The following XXYLT1 variants were observed in gnomAD, a reference collection of about 807,000 sequenced individuals.
XXYLT1 encodes the protein xyloside xylosyltransferase 1.
XXYLT1 carries 20 observed loss-of-function variants against 28.9 expected under a neutral mutation model. The ratio of observed to expected loss-of-function variants is 0.69; its 90% CI spans 0.49 to 1.00. The LOEUF is 1.00. XXYLT1 is among the 50% of genes least tolerant of loss of function. XXYLT1 has a pLI of 0.00. For missense variants in XXYLT1, 542 were observed against 560.1 expected (o/e 0.97, Z 0.33); for synonymous variants, 257 against 253.8 (o/e 1.01, Z -0.12).
intron 2 of XXYLT1, among the ~76,000 whole-genome samples, chr3:195,161,628 A>T (rs1454559641): frequency 6.8e-6 from 1 of 146,902 alleles, no homozygotes; most frequent in African/African-American, 2.5e-5. Flanking sequence ...ATATATAGAT[A>T]TATAGATTTT....
rs748659464 is a variant in XXYLT1 at position 195,069,729 on chromosome 3, T to C, written c.1168A>G (p.Ile390Val). The C allele has an allele frequency of 6.2e-6, 10 of 1,612,904 alleles. No individual in the cohort carries two copies. In the African/African-American group the frequency reaches 1.1e-4, roughly 17 times the overall value. The change falls in exon 4 of 4, where the codon ATC becomes GTC. Residue 390 changes from isoleucine (I) to valine (V), a missense_variant. By Grantham distance (29) the Ile-to-Val change is conservative. Transcript: ENST00000310380. ...KIYHGNCNTPIPED is the reference protein window; with the variant it reads ...KIYHGNCNTPVPED ...ACGGGGAGCGCCTAGTCCTCCGGGA[T>C]GGGAGTGTTGCAGTTCCCGTGGTAG...
chr3:195,149,499 A>G (rs1720067731), intron 3 of XXYLT1, among the ~76,000 whole-genome samples: 1 of 152,216 alleles, frequency 6.6e-6, no homozygotes, highest in African/African-American at 2.4e-5. Context: ...TGTGCAGCGT[A>G]GCAGGGACCA....
intron 2 of XXYLT1, among the ~76,000 whole-genome samples, chr3:195,191,392 C>T (rs1372004841): frequency 6.6e-6 from 1 of 152,114 alleles, no homozygotes; most frequent in South Asian, 2.1e-4. Flanking sequence ...ATTTTCCCTT[C>T]CTTATGGTTT....
chr3:195,213,774 G>A (rs1337980582), intron 2 of XXYLT1, among the ~76,000 whole-genome samples: 2 of 152,222 alleles, frequency 1.3e-5, no homozygotes, highest in Admixed American at 6.5e-5. Context: ...AGCATCTCTC[G>A]GTATCAGGCC....
chr3:195,132,458 C>T (rs1322482292), intron 3 of XXYLT1, among the ~76,000 whole-genome samples: 4 of 150,864 alleles, frequency 2.7e-5, no homozygotes, highest in African/African-American at 9.7e-5. Flanking sequence ...CAGACTGAGA[C>T]TCGGTCTCCA....
intron 3 of XXYLT1, among the ~76,000 whole-genome samples, chr3:195,110,145 G>A (rs1446580477): frequency 1.8e-5 from 1 of 56,546 alleles, no homozygotes; most frequent in African/African-American, 6.8e-5. Context: ...TGGTGTGTGT[G>A]GTGTCTGTGT....
At chr3:195,204,547 G>A (rs565832335) in intron 2 of XXYLT1, among the ~76,000 whole-genome samples, 9 of 151,268 alleles carry the variant, frequency 5.9e-5, no homozygotes, top group African/African-American at 2.2e-4. Context: ...TGGCCAGCCA[G>A]CCAGCCAGGT....
chr3:195,147,180 C>T (rs546551377), intron 3 of XXYLT1, among the ~76,000 whole-genome samples: 2 of 152,178 alleles, frequency 1.3e-5, no homozygotes, highest in Non-Finnish European at 2.9e-5. Context: ...ATCTCCCTCA[C>T]GTTATATCTT....
chr3:195,225,421 C>T (rs1240236357), intron 2 of XXYLT1, among the ~76,000 whole-genome samples: 1 of 152,204 alleles, frequency 6.6e-6, no homozygotes, highest in African/African-American at 2.4e-5. Context: ...CAACTCTCAA[C>T]TCCTGAGTCT....
intron 2 of XXYLT1, among the ~76,000 whole-genome samples, chr3:195,161,617 G>A (rs2108692488): frequency 6.7e-6 from 1 of 149,476 alleles, no homozygotes; most frequent in South Asian, 2.2e-4. Flanking sequence ...CACTCTATGA[G>A]ATATATAGAT....
At chr3:195,201,684 C>T (rs1722854861) in intron 2 of XXYLT1, among the ~76,000 whole-genome samples, 1 of 152,212 alleles carries the variant, frequency 6.6e-6, no homozygotes, top group South Asian at 2.1e-4. Flanking sequence ...CTAGACCCAA[C>T]TCCCAGCTGG....
intron 1 of XXYLT1, among the ~76,000 whole-genome samples, chr3:195,243,482 T>G (rs1169981411): frequency 1.3e-5 from 2 of 152,078 alleles, no homozygotes; most frequent in African/African-American, 2.4e-5. Flanking sequence ...TACTTCAGAA[T>G]AGCCATGCCC....
chr3:195,069,821 C>A lies in XXYLT1; in HGVS notation c.1076G>T (p.Trp359Leu). Reference sequence around the variant, plus strand: ...GTCACTGTAGCCATGGTCCCTCCACCAGGTGCACAGCTGCCGGTTCCAGGT... The same window carrying A: ...GTCACTGTAGCCATGGTCCCTCCACAAGGTGCACAGCTGCCGGTTCCAGGT... ...DCTWNRQLCT[W>L]WRDHGYSDVF... The change falls in exon 4 of 4, where the codon TGG becomes TTG. Residue 359 changes from tryptophan (W) to leucine (L), a missense_variant. Coordinates refer to ENST00000310380, the MANE Select transcript of XXYLT1 (RefSeq NM_152531.5). 6.2e-7 allele frequency: 1 copy of A among 1,614,198 alleles called. No homozygotes were observed.
At chr3:195,149,876 G>C (rs1399560662) in intron 3 of XXYLT1, among the ~76,000 whole-genome samples, 1 of 152,218 alleles carries the variant, frequency 6.6e-6, no homozygotes, top group African/African-American at 2.4e-5. Context: ...GGGAAACACA[G>C]TACCAACACC....
rs144391935 is a variant in XXYLT1 at position 195,177,481 on chromosome 3, G to A, written c.653-20900C>T. 9.0e-4 allele frequency among the ~76,000 whole-genome samples: 137 copies of A among 152,208 alleles called. No homozygotes were observed. The Middle Eastern group carries it at 0.01, about 11-fold the overall frequency. Reference sequence around the variant, plus strand: ...GAGACACAGAATGGCAAACAGAAAGGGCAGAAGAATCAGTCTCTGACACAA... The same window carrying A: ...GAGACACAGAATGGCAAACAGAAAGAGCAGAAGAATCAGTCTCTGACACAA... On this transcript the variant is annotated intron_variant, in intron 2 of 3. Transcript: ENST00000310380.
At chr3:195,190,959 G>A (rs145792305) in intron 2 of XXYLT1, among the ~76,000 whole-genome samples, 2 of 151,938 alleles carry the variant, frequency 1.3e-5, no homozygotes, top group East Asian at 3.9e-4. Flanking sequence ...TAACACAAAA[G>A]AAGGCAATCA....
rs1033346828 is a variant in XXYLT1 at position 195,133,584 on chromosome 3, C to T, written c.785+22865G>A. 9.9e-5 allele frequency among the ~76,000 whole-genome samples: 15 copies of T among 152,168 alleles called. No homozygotes were observed. The highest frequency in any genetic ancestry group is 3.6e-4 in the African/African-American group (15 of 41,440). On this transcript the variant is annotated intron_variant, in intron 3 of 3. Transcript: ENST00000310380. This position sits in a 1 kb window ranked among gnomAD's most constrained non-coding sequence, Gnocchi z 4.4. ...GATAAACATTTCATATTTGAGTCAC[C>T]TCTGCTACGCCTAACAAGCAGAGGC... is the stretch of plus-strand genomic sequence containing the variant.
At chr3:195,119,698 CCGCA>C (rs1718242574) in intron 3 of XXYLT1, among the ~76,000 whole-genome samples, 1 of 152,340 alleles carries the variant, frequency 6.6e-6, no homozygotes, top group Admixed American at 6.5e-5. Context: ...CGTCCTCACT[CCGCA>C]GAACAATGCT....
chr3:195,120,550 TTAAC>T (rs1718303612), intron 3 of XXYLT1, among the ~76,000 whole-genome samples: 1 of 152,142 alleles, frequency 6.6e-6, no homozygotes. Flanking sequence ...CCCAATAACA[TTAAC>T]TAACATTATT....
Sources: gnomAD v4.1 joint callset for allele counts (sites outside exome capture counted in the v4.1 genomes callset) on GRCh38, gnomAD v4.1.1 for gene constraint, Gnocchi (gnomAD v3.1) non-coding constraint, MANE v1.5 for transcripts, NCBI Gene and HGNC (gene_info 2026-07-23, HGNC 2026-07-21) for gene names.